The following EPB41 variants were observed in gnomAD, a reference collection of about 807,000 sequenced individuals.
EPB41 encodes erythrocyte membrane protein band 4.1.
A neutral mutation model predicts 108.0 loss-of-function variants in EPB41; 65 were observed. The observed-to-expected ratio is 0.60, with a 90% CI of 0.49 to 0.74. EPB41 has a LOEUF of 0.74. Ranked by LOEUF, EPB41 falls within the 30% of genes least tolerant of loss-of-function variation. The pLI is 0.00. For missense variants in EPB41, 875 were observed against 1,037.0 expected, an observed-to-expected ratio of 0.84 and a Z score of 2.15; for synonymous variants, 336 against 358.9, an observed-to-expected ratio of 0.94 and a Z score of 0.72.
chr1:28,914,867 C>T (rs1315176227), intron 1 of EPB41, 99 bp downstream of exon 1: 1 of 151,648 alleles, frequency 6.6e-6, no homozygotes, highest in Non-Finnish European at 1.5e-5. Flanking sequence ...GCTGCAGCCT[C>T]TTTGTCTGCA....
In EPB41 at chr1:28,914,672, G is replaced by C. The variant is rs2148042568; in HGVS notation, c.-104G>C. The C allele has an allele frequency of 6.6e-6, 1 of 152,116 alleles. No individual in the cohort carries two copies. Among genetic ancestry groups the C allele is most frequent in the East Asian group, 1.9e-4 (1 of 5,142 alleles). The allele number at this position is 152,116 out of a possible 1,614,324, so 9.4% of individuals were successfully genotyped here. A position where few individuals can be genotyped will look rare whatever the true frequency, so the allele number is the denominator to read the frequency against. ...GCAGCAGCCGGCGGGCCCGCGAGCC[G>C]CAGAGGGCCCGAGCCTCGGACGCCG... is the stretch of plus-strand genomic sequence containing the variant. On this transcript the variant is annotated 5_prime_UTR_variant, in exon 1 of 21. Transcript: ENST00000343067.
At chr1:29,067,495 CAAAAAAAAAAA>C (rs71022390) in intron 16 of EPB41, among the ~76,000 whole-genome samples, 2 of 25,614 alleles carry the variant, frequency 7.8e-5, no homozygotes, top group African/African-American at 3.5e-4. Context: ...GACTCTGTCT[CAAAAAAAAAAA>C]AAAAAAAAAA....
intron 1 of EPB41, among the ~76,000 whole-genome samples, chr1:28,942,928 T>C (rs1223412982): frequency 6.6e-6 from 1 of 152,196 alleles, no homozygotes; most frequent in Non-Finnish European, 1.5e-5. Flanking sequence ...ACCAAATATA[T>C]ATTTCTTACT....
chr1:28,990,864 T>G (rs936346241), intron 2 of EPB41, among the ~76,000 whole-genome samples: 14 of 152,346 alleles, frequency 9.2e-5, no homozygotes, highest in Middle Eastern at 3.4e-3. Context: ...TGATGGACAG[T>G]TAATTTTAGA....
chr1:28,949,629 A>AGTCTC (rs2094626869), intron 1 of EPB41, among the ~76,000 whole-genome samples: 1 of 150,710 alleles, frequency 6.6e-6, no homozygotes, highest in Admixed American at 6.6e-5. Context: ...TTTTAGATGG[A>AGTCTC]GTCTCGCTCT....
chr1:28,959,612 G>GTCCT (rs2095116439), intron 1 of EPB41, among the ~76,000 whole-genome samples: 1 of 152,166 alleles, frequency 6.6e-6, no homozygotes, highest in Admixed American at 6.5e-5. Context: ...TATAGCAGGA[G>GTCCT]GGACTGGAAA....
In EPB41 at chr1:28,997,253, T is replaced by C. The variant is rs756996105; in HGVS notation, c.720T>C (p.Cys240=). 3.8e-5 allele frequency: 62 copies of C among 1,614,056 alleles called. 2 individuals are homozygous for C. The East Asian group carries it at 6.5e-4, about 17-fold the overall frequency. ...AKGQDLLKRV[C]EHLNLLEEDY... The stretch of plus-strand genomic sequence containing the variant: ...GACAAGATTTGCTTAAACGAGTATG[T>C]GAGCATCTCAATCTTTTGGAAGAAG... The change falls in exon 4 of 21, where the codon TGT becomes TGC. Residue 240 remains cysteine, a synonymous_variant. Coordinates refer to ENST00000343067, the MANE Select transcript of EPB41 (RefSeq NM_001376013.1).
At chr1:29,005,955 G>A (rs1040704048) in intron 4 of EPB41, among the ~76,000 whole-genome samples, 1 of 152,124 alleles carries the variant, frequency 6.6e-6, no homozygotes, top group Admixed American at 6.5e-5. Flanking sequence ...TGCTTAAAGT[G>A]TTAATATATT....
chr1:28,973,585 G>A (rs2095540417), intron 1 of EPB41, among the ~76,000 whole-genome samples: 2 of 151,948 alleles, frequency 1.3e-5, no homozygotes, highest in Non-Finnish European at 2.9e-5. Context: ...TTTAGAAACA[G>A]GATCTTGCTG....
At chr1:29,086,861 A>T (rs1262147328) in intron 16 of EPB41, among the ~76,000 whole-genome samples, 1 of 151,552 alleles carries the variant, frequency 6.6e-6, no homozygotes, top group African/African-American at 2.4e-5. Context: ...ATGTAGCAAA[A>T]TTTTAGAAAA....
intron 1 of EPB41, among the ~76,000 whole-genome samples, chr1:28,921,654 C>G (rs879746644): frequency 4.0e-5 from 6 of 151,848 alleles, no homozygotes; most frequent in Middle Eastern, 3.2e-3. Flanking sequence ...CAGCTTACTA[C>G]CTGCAGTCTT....
chr1:28,900,558 G>C (rs1472594672), intron 1 of EPB41, among the ~76,000 whole-genome samples: 1 of 152,138 alleles, frequency 6.6e-6, no homozygotes, highest in East Asian at 1.9e-4. Context: ...AAAGTGCTGG[G>C]ATTACAGGCA....
intron 9 of EPB41, among the ~76,000 whole-genome samples, chr1:29,033,984 A>C (rs959967698): frequency 2.0e-5 from 3 of 152,212 alleles, no homozygotes; most frequent in Non-Finnish European, 2.9e-5. Flanking sequence ...CAGCTGTGTA[A>C]GTTCTATATA....
chr1:28,938,283 T>G (rs916217296), intron 1 of EPB41, among the ~76,000 whole-genome samples: 3 of 152,220 alleles, frequency 2.0e-5, no homozygotes, highest in Non-Finnish European at 4.4e-5. Flanking sequence ...ATCTGTAGAT[T>G]AATTTGGGAA....
At chr1:29,107,919 C>T (rs1667761633) in intron 17 of EPB41, among the ~76,000 whole-genome samples, 1 of 146,558 alleles carries the variant, frequency 6.8e-6, no homozygotes, top group Non-Finnish European at 1.5e-5. Context: ...TTCCCAGCTA[C>T]TCAGGAGGCT....
intron 1 of EPB41, among the ~76,000 whole-genome samples, chr1:28,981,121 T>G (rs2095735219): frequency 2.0e-5 from 3 of 152,104 alleles, no homozygotes; most frequent in South Asian, 4.1e-4. Context: ...AAGAAACCAG[T>G]GAAGTTACCG....
At position 29,035,843 on chromosome 1, in the gene EPB41, T is replaced by G; in HGVS notation, c.1383T>G (p.Ser461Arg). 6.2e-7 allele frequency: 1 copy of G among 1,613,908 alleles called. No homozygotes were observed. Among genetic ancestry groups the G allele is most frequent in the Non-Finnish European group, 8.5e-7 (1 of 1,179,778 alleles). ...TTTTGTAGCAAGAGCAGTATGAAAG[T>G]ACCATCGGATTCAAACTTCCCAGTT... is the stretch of plus-strand genomic sequence containing the variant. The part of the protein sequence containing the change: ...IRPGEQEQYE[S>R]TIGFKLPSYR... Residue 461 changes from serine to arginine, a missense_variant, in exon 10 of 21, where the codon AGT becomes AGG. Physicochemically the swap from Ser to Arg is moderately radical, Grantham distance 110. Coordinates refer to ENST00000343067, the MANE Select transcript of EPB41 (RefSeq NM_001376013.1).
At chr1:29,056,126 C>T (rs1199770494) in intron 12 of EPB41, among the ~76,000 whole-genome samples, 4 of 145,800 alleles carry the variant, frequency 2.7e-5, no homozygotes, top group South Asian at 2.3e-4. Flanking sequence ...CTCAGCTACT[C>T]GGGAGGCCGA....
intron 1 of EPB41, among the ~76,000 whole-genome samples, chr1:28,932,483 T>A (rs1426022289): frequency 1.3e-5 from 2 of 151,344 alleles, no homozygotes; most frequent in Non-Finnish European, 3.0e-5. Context: ...TTTTTTTTTT[T>A]ATGCTTCTCT....
Sources: gnomAD v4.1 joint callset for allele counts (sites outside exome capture counted in the v4.1 genomes callset) on GRCh38, gnomAD v4.1.1 for gene constraint, MANE v1.5 for transcripts, NCBI Gene and HGNC (gene_info 2026-07-23, HGNC 2026-07-21) for gene names.